Variants in PLXNA4 observed in about 807,000 individuals in gnomAD.
The protein encoded by PLXNA4 is plexin A4.
A neutral mutation model predicts 191.8 loss-of-function variants in PLXNA4; 44 were observed. The observed-to-expected ratio is 0.23, with a 90% CI of 0.18 to 0.29. The LOEUF (loss-of-function observed/expected upper bound fraction) is 0.29, where lower values mean the gene tolerates loss of function less well. Among genes scored for constraint, PLXNA4 ranks in the 10% least tolerant of loss-of-function variants. The probability of loss-of-function intolerance (pLI) is 1.00; values close to 1 mark genes in which losing one functional copy is unlikely to be tolerated. For missense variants in PLXNA4, 1,800 were observed against 2,488.8 expected (o/e 0.72, Z 5.89); for synonymous variants, 1,082 against 1,009.5 (o/e 1.07, Z -1.36).
chr7:132,248,295 A>T (rs1799129682), intron 4 of PLXNA4, among the ~76,000 whole-genome samples: 1 of 152,140 alleles, frequency 6.6e-6, no homozygotes, highest in Non-Finnish European at 1.5e-5. Flanking sequence ...TTGAAGCAGA[A>T]CTGCCCAGCT....
intron 1 of PLXNA4, among the ~76,000 whole-genome samples, chr7:132,555,819 G>C (rs1240049670): frequency 1.3e-5 from 2 of 152,196 alleles, no homozygotes; most frequent in African/African-American, 2.4e-5. Flanking sequence ...AACCAGGGCT[G>C]GTGACTTAGC....
intron 1 of PLXNA4, among the ~76,000 whole-genome samples, chr7:132,513,325 A>G (rs575171918): frequency 6.6e-6 from 1 of 152,052 alleles, no homozygotes; most frequent in African/African-American, 2.4e-5. Flanking sequence ...CATGGATATT[A>G]CCTTGTTCTG....
intron 17 of PLXNA4, 138 bp from the exon 18 acceptor site, chr7:132,181,758 C>A (rs1191711979): frequency 2.1e-6 from 3 of 1,433,796 alleles, no homozygotes; most frequent in African/African-American, 2.9e-5. Flanking sequence ...CAGGGCCACA[C>A]AATTGGGCAC....
chr7:132,210,231 G>A (rs1463387903), intron 10 of PLXNA4, among the ~76,000 whole-genome samples: 1 of 152,206 alleles, frequency 6.6e-6, no homozygotes, highest in African/African-American at 2.4e-5. Context: ...GACCAGAGCA[G>A]TAGCTGGAAA....
At chr7:132,226,356 CCCAGGCGG>C in intron 7 of PLXNA4, 96 bp from the exon 8 acceptor site, 1 of 1,072,198 alleles carries the variant, frequency 9.3e-7, no homozygotes, top group Non-Finnish European at 1.4e-6. Context: ...GAGCCTGCTC[CCCAGGCGG>C]CTGTTGGCTT....
intron 3 of PLXNA4, among the ~76,000 whole-genome samples, chr7:132,346,802 G>A (rs192777888): frequency 1.3e-5 from 2 of 152,208 alleles, no homozygotes; most frequent in African/African-American, 2.4e-5. Context: ...ATTTGGATGA[G>A]TCCAGGCTCC....
chr7:132,611,582 G>A (rs181948420), intron 2 of PLXNA4, among the ~76,000 whole-genome samples: 8 of 152,304 alleles, frequency 5.3e-5, no homozygotes. Flanking sequence ...CCAAAGGTGG[G>A]GGAATTTATT....
At chr7:132,304,690 T>C (rs997253906) in intron 3 of PLXNA4, among the ~76,000 whole-genome samples, 25 of 152,182 alleles carry the variant, frequency 1.6e-4, no homozygotes, top group African/African-American at 6.0e-4. Context: ...GTATTGATTC[T>C]GCATTCACCA....
intron 2 of PLXNA4, among the ~76,000 whole-genome samples, chr7:132,641,178 T>G (rs1354375447): frequency 6.6e-6 from 1 of 152,246 alleles, no homozygotes; most frequent in East Asian, 1.9e-4. Context: ...CTTGATCTCC[T>G]TGTGGACTCT....
intron 25 of PLXNA4, among the ~76,000 whole-genome samples, chr7:132,156,471 G>A (rs1008128628): frequency 6.6e-6 from 1 of 152,220 alleles, no homozygotes; most frequent in Non-Finnish European, 1.5e-5. Context: ...GGTGCAAAAT[G>A]TCTTTGCTTC....
At chr7:132,273,834 A>G (rs1403500777) in intron 4 of PLXNA4, among the ~76,000 whole-genome samples, 1 of 152,194 alleles carries the variant, frequency 6.6e-6, no homozygotes, top group Non-Finnish European at 1.5e-5. Context: ...CAGCAACTAA[A>G]GTCCAGAAGT....
intron 2 of PLXNA4, among the ~76,000 whole-genome samples, chr7:132,626,149 A>G (rs1672102106): frequency 6.6e-6 from 1 of 152,184 alleles, no homozygotes; most frequent in Non-Finnish European, 1.5e-5. Flanking sequence ...CCACCAATCA[A>G]GTAGGCCTTG....
Position 132,507,961 on chromosome 7 carries a change from C to T in PLXNA4, c.733G>A (p.Val245Ile), listed in dbSNP as rs1337484079. Residue 245 changes from valine to isoleucine, a missense_variant, in exon 2 of 32, where the codon GTC (valine) becomes ATC (isoleucine). Val to Ile is a conservative substitution (Grantham distance 29). Transcript: ENST00000321063. ...TIIPDFDIYY[V>I]YGFSSGNFVY... ...AAGTTGCCACTGCTAAAACCATAGA[C>T]ATAGTAGATATCAAAGTCAGGGATG... 1 of 1,614,046 alleles carries T rather than the reference C, an allele frequency of 6.2e-7. No homozygotes were observed. The highest frequency in any genetic ancestry group is 8.5e-7 in the Non-Finnish European group (1 of 1,180,046).
chr7:132,134,898 C>T (rs1354786965), intron 30 of PLXNA4, among the ~76,000 whole-genome samples: 1 of 152,190 alleles, frequency 6.6e-6, no homozygotes, highest in African/African-American at 2.4e-5. Flanking sequence ...AGCCTGTTCT[C>T]TTCGAGGCCT....
At chr7:132,277,007 C>T in intron 4 of PLXNA4, among the ~76,000 whole-genome samples, 1 of 152,086 alleles carries the variant, frequency 6.6e-6, no homozygotes, top group East Asian at 1.9e-4. Context: ...TTATTGTTCT[C>T]ATTTTGATTT....
intron 3 of PLXNA4, among the ~76,000 whole-genome samples, chr7:132,322,827 G>C (rs538754401): frequency 6.6e-6 from 1 of 152,316 alleles, no homozygotes; most frequent in South Asian, 2.1e-4. Flanking sequence ...GGAAGAAAGG[G>C]ATGTCACAAA....
chr7:132,537,324 G>A (rs1380942212), intron 1 of PLXNA4, among the ~76,000 whole-genome samples: 1 of 152,246 alleles, frequency 6.6e-6, no homozygotes, highest in Non-Finnish European at 1.5e-5. Flanking sequence ...GCTCTTGGCT[G>A]TGTCTGGCAC....
intron 3 of PLXNA4, among the ~76,000 whole-genome samples, chr7:132,402,814 C>T (rs376926423): frequency 6.6e-5 from 10 of 152,252 alleles, no homozygotes; most frequent in African/African-American, 1.2e-4. Flanking sequence ...TGGCTGGGAA[C>T]GCCACCTCCA....
chr7:132,199,685 C>G (rs923781385), intron 12 of PLXNA4, among the ~76,000 whole-genome samples: 1 of 152,172 alleles, frequency 6.6e-6, no homozygotes, highest in Non-Finnish European at 1.5e-5. Flanking sequence ...TCTCCTCAAC[C>G]CTGCAGGGCC....
Sources: gnomAD v4.1 joint callset for allele counts (sites outside exome capture counted in the v4.1 genomes callset) on GRCh38, gnomAD v4.1.1 for gene constraint, MANE v1.5 for transcripts, NCBI Gene and HGNC (gene_info 2026-07-23, HGNC 2026-07-21) for gene names.